Variants in ADK observed in about 807,000 individuals in gnomAD.
The protein encoded by ADK is adenosine kinase.
Under a neutral mutation model 44.7 loss-of-function variants are expected in ADK, and 24 were observed. The observed-to-expected ratio is 0.54, with a 90% CI of 0.39 to 0.76. The LOEUF is 0.76. Ranked by LOEUF, ADK falls within the 30% of genes least tolerant of loss-of-function variation. The probability of loss-of-function intolerance (pLI) is 0.00; values close to 1 mark genes in which losing one functional copy is unlikely to be tolerated. For synonymous variants in ADK, 128 were observed against 142.6 expected (o/e 0.90, Z 0.73); for missense variants, 321 against 425.1 (o/e 0.76, Z 2.15).
chr10:74,190,175 C>A (rs1171787043), intron 1 of ADK, among the ~76,000 whole-genome samples: 1 of 152,212 alleles, frequency 6.6e-6, no homozygotes, highest in East Asian at 1.9e-4. Context: ...TCCAAAGCGG[C>A]TGAATCACTT....
intron 6 of ADK, among the ~76,000 whole-genome samples, chr10:74,428,752 T>G (rs1786534368): frequency 2.6e-5 from 4 of 152,210 alleles, no homozygotes. Flanking sequence ...AATATTTACA[T>G]GGTCTTGAAA....
chr10:74,508,486 C>T (rs1365758162), intron 6 of ADK: 1 of 152,146 alleles, frequency 6.6e-6, no homozygotes, highest in Non-Finnish European at 1.5e-5. Flanking sequence ...CTATATTAAG[C>T]ATTTATTTAA....
chr10:74,510,969 A>C (rs1475124932), intron 6 of ADK, among the ~76,000 whole-genome samples: 1 of 152,192 alleles, frequency 6.6e-6, no homozygotes, highest in African/African-American at 2.4e-5. Context: ...TGACCTCCCA[A>C]GATGTTGGGA....
At chr10:74,294,352 T>G (rs1839736089) in intron 3 of ADK, among the ~76,000 whole-genome samples, 1 of 152,030 alleles carries the variant, frequency 6.6e-6, no homozygotes, top group African/African-American at 2.4e-5. Flanking sequence ...AATGGCACAG[T>G]CTCGGCTCAT....
intron 1 of ADK, among the ~76,000 whole-genome samples, chr10:74,190,789 A>G (rs1416833689): frequency 2.0e-5 from 3 of 152,086 alleles, no homozygotes; most frequent in African/African-American, 7.2e-5. Flanking sequence ...CCAGGATTCC[A>G]CAGATTGTGG....
In ADK at chr10:74,582,339, A is replaced by G. The variant is rs115004756; in HGVS notation, c.727-6943A>G. Reference sequence around the variant, plus strand: ...AAAAAAATAAAAAATAAAAATGGAAATAAAATTCCCAATAATAGGGCTACT... The same window carrying G: ...AAAAAAATAAAAAATAAAAATGGAAGTAAAATTCCCAATAATAGGGCTACT... On this transcript the variant is annotated intron_variant, in intron 7 of 10. Coordinates refer to ENST00000539909, the MANE Select transcript of ADK (RefSeq NM_006721.4). 8.9e-3 allele frequency among the ~76,000 whole-genome samples: 1,353 copies of G among 152,188 alleles called. 21 individuals carry two copies. The highest frequency in any genetic ancestry group is 0.031 in the African/African-American group (1,285 of 41,542).
At chr10:74,262,370 C>A (rs1156646244) in intron 3 of ADK, among the ~76,000 whole-genome samples, 2 of 149,134 alleles carry the variant, frequency 1.3e-5, no homozygotes, top group African/African-American at 4.9e-5. Context: ...TTTGCATGTA[C>A]TTTTATATAA....
At chr10:74,247,588 G>GC (rs1845472194) in intron 3 of ADK, among the ~76,000 whole-genome samples, 1 of 151,980 alleles carries the variant, frequency 6.6e-6, no homozygotes, top group Non-Finnish European at 1.5e-5. Context: ...CCAACCATCA[G>GC]CTCCTTTAAC....
intron 1 of ADK, among the ~76,000 whole-genome samples, chr10:74,198,537 T>C (rs1591839501): frequency 1.3e-5 from 2 of 152,310 alleles, no homozygotes; most frequent in East Asian, 3.9e-4. Context: ...AGTTGCCAAA[T>C]GGTGAGAATG....
chr10:74,151,460 C>T (rs747768487), intron 1 of ADK, 117 bp downstream of exon 1: 4 of 1,107,638 alleles, frequency 3.6e-6, no homozygotes, highest in Admixed American at 2.0e-5. Context: ...TTGGGGCCAA[C>T]ACGCAGGACC....
At chr10:74,258,500 A>G (rs1379230677) in intron 3 of ADK, among the ~76,000 whole-genome samples, 1 of 152,188 alleles carries the variant, frequency 6.6e-6, no homozygotes, top group African/African-American at 2.4e-5. Flanking sequence ...TAAAGTTGGT[A>G]AATCTACAAC....
intron 2 of ADK, among the ~76,000 whole-genome samples, chr10:74,205,535 G>A (rs1298094396): frequency 1.3e-5 from 2 of 151,984 alleles, no homozygotes; most frequent in Non-Finnish European, 2.9e-5. Context: ...AATTAACTGG[G>A]CATGGTGGTG....
intron 3 of ADK, among the ~76,000 whole-genome samples, chr10:74,243,343 T>C (rs181537181): frequency 1.3e-3 from 192 of 152,302 alleles, no homozygotes; most frequent in Non-Finnish European, 2.2e-3. Flanking sequence ...CTGTCGCCCT[T>C]GTTGCAAGTC....
At chr10:74,593,002 T>G (rs1186226498) in intron 8 of ADK, among the ~76,000 whole-genome samples, 1 of 152,172 alleles carries the variant, frequency 6.6e-6, no homozygotes, top group African/African-American at 2.4e-5. Flanking sequence ...CACAGAAAGT[T>G]TCATTGATCA....
Position 74,525,361 on chromosome 10 carries a change from C to T in ADK, c.661C>T (p.Gln221Ter). The T allele has an allele frequency of 1.2e-6, 2 of 1,613,584 alleles. No homozygotes were observed. The highest frequency in any genetic ancestry group is 1.7e-6 in the Non-Finnish European group (2 of 1,179,780). ...TLNLSAPFIS[Q>*]FYKESLMKVM... ...GAATCTATCTGCACCGTTTATTAGCCAGTTCTACAAGGAATCATTGATGAA... is the reference window on the plus strand; with the variant it reads ...GAATCTATCTGCACCGTTTATTAGCTAGTTCTACAAGGAATCATTGATGAA... The change falls in exon 7 of 11, where the codon CAG (glutamine) becomes TAG (stop). Residue 221 changes from glutamine to a stop codon, truncating the protein, a stop_gained. Coordinates refer to ENST00000539909, the MANE Select transcript of ADK (RefSeq NM_006721.4). LOFTEE classifies it high-confidence loss of function.
At chr10:74,708,293 CAT>C (rs1246593552) in intron 10 of ADK, 26 bp from the exon 11 acceptor site, 3 of 1,604,952 alleles carry the variant, frequency 1.9e-6, no homozygotes, top group Admixed American at 3.3e-5. Context: ...ATACAATACT[CAT>C]GTGTTTTTTT....
chr10:74,492,803 T>C (rs1035740215), intron 6 of ADK, among the ~76,000 whole-genome samples: 2 of 152,154 alleles, frequency 1.3e-5, no homozygotes, highest in African/African-American at 4.8e-5. Flanking sequence ...TATTAGGAGG[T>C]ACATGATACC....
chr10:74,269,056 A>G (rs185544554), intron 3 of ADK, among the ~76,000 whole-genome samples: 1 of 152,322 alleles, frequency 6.6e-6, no homozygotes, highest in African/African-American at 2.4e-5. Flanking sequence ...ATTGTTGTAC[A>G]CAATATTCAA....
At chr10:74,386,170 G>A (rs1843134467) in intron 4 of ADK, among the ~76,000 whole-genome samples, 1 of 151,974 alleles carries the variant, frequency 6.6e-6, no homozygotes, top group African/African-American at 2.4e-5. Flanking sequence ...ATCATCCTTT[G>A]CAGTCTGCTT....
Sources: allele counts gnomAD v4.1 joint callset (sites outside exome capture counted in the v4.1 genomes callset), GRCh38; gene constraint gnomAD v4.1.1; transcripts MANE v1.5; gene names NCBI Gene and HGNC (gene_info 2026-07-23, HGNC 2026-07-21).